The following ANK2 variants were observed in gnomAD, a reference collection of about 807,000 sequenced individuals.
The protein encoded by ANK2 is ankyrin 2, also known as ankyrin-2.
In ANK2, 83 loss-of-function variants were observed where a neutral mutation model predicts 360.5. That is an observed-to-expected ratio of 0.23 (90% CI 0.19 to 0.28). The LOEUF (loss-of-function observed/expected upper bound fraction) is 0.28. Ranked by LOEUF, ANK2 falls within the 10% of genes least tolerant of loss-of-function variation. The pLI, the probability that ANK2 is intolerant of heterozygous loss-of-function variation, is 1.00. For missense variants in ANK2, 4,201 were observed against 4,795.7 expected (o/e 0.88, Z 3.66); for synonymous variants, 1,740 against 1,759.5 (o/e 0.99, Z 0.28).
intron 1 of ANK2, among the ~76,000 whole-genome samples, chr4:112,821,575 C>G (rs928559853): frequency 2.7e-5 from 4 of 150,140 alleles, no homozygotes; most frequent in African/African-American, 9.8e-5. Flanking sequence ...GTGATCACAG[C>G]TCATGTAACC....
chr4:112,953,935 C>G (rs2095191130), intron 2 of ANK2, among the ~76,000 whole-genome samples: 1 of 151,984 alleles, frequency 6.6e-6, no homozygotes, highest in African/African-American at 2.4e-5. Context: ...TATTTCTTCT[C>G]TGTCTCCCCC....
chr4:113,039,904 T>C (rs560667065), intron 2 of ANK2, among the ~76,000 whole-genome samples: 6 of 152,010 alleles, frequency 3.9e-5, no homozygotes, highest in Non-Finnish European at 8.8e-5. Flanking sequence ...GGCCCTAGGT[T>C]ATTTGTTGAC....
intron 13 of ANK2, among the ~76,000 whole-genome samples, chr4:113,258,760 G>A (rs2050931807): frequency 6.6e-6 from 1 of 152,028 alleles, no homozygotes; most frequent in Non-Finnish European, 1.5e-5. Context: ...GAATCTTTAG[G>A]GCTCAACCTA....
intron 2 of ANK2, among the ~76,000 whole-genome samples, chr4:113,193,718 A>G (rs1228895175): frequency 6.6e-6 from 1 of 152,180 alleles, no homozygotes; most frequent in Non-Finnish European, 1.5e-5. Context: ...AAGTCCATTC[A>G]GAGTGGTGGT....
chr4:113,285,845 T>C (rs2064298030), intron 18 of ANK2, among the ~76,000 whole-genome samples: 1 of 152,186 alleles, frequency 6.6e-6, no homozygotes, highest in Admixed American at 6.5e-5. Flanking sequence ...GATATTTTGT[T>C]TCCTGAGGCC....
intron 26 of ANK2, chr4:113,323,912 G>A: frequency 2.5e-6 from 2 of 812,894 alleles, no homozygotes; most frequent in Non-Finnish European, 3.7e-6. Context: ...CCTAGCCAAA[G>A]AGATAGAAAG....
chr4:112,786,746 C>CTTTTT, the ANK2 span, among the ~76,000 whole-genome samples: 1 of 108,908 alleles, frequency 9.2e-6, no homozygotes, highest in Non-Finnish European at 1.9e-5. Context: ...TAAAATCAAA[C>CTTTTT]TTTTTTTTTT....
chr4:113,011,723 G>A (rs369055686), intron 2 of ANK2, among the ~76,000 whole-genome samples: 108 of 152,016 alleles, frequency 7.1e-4, no homozygotes, highest in African/African-American at 2.5e-3. Context: ...CTGCTTTTAG[G>A]AACAAAAATG....
intron 1 of ANK2, among the ~76,000 whole-genome samples, chr4:113,140,640 AT>A (rs202058977): frequency 1.1e-4 from 17 of 151,454 alleles, no homozygotes; most frequent in South Asian, 8.4e-4. Context: ...ACTCATGGCA[AT>A]TTTTTTTTCA....
intron 2 of ANK2, among the ~76,000 whole-genome samples, chr4:112,993,682 G>A (rs1413881467): frequency 6.7e-6 from 1 of 148,252 alleles, no homozygotes; most frequent in Non-Finnish European, 1.5e-5. Flanking sequence ...GGCTTCAGGT[G>A]CATAAAGCTT....
the ANK2 span, among the ~76,000 whole-genome samples, chr4:112,784,775 A>T: frequency 7.2e-5 from 11 of 152,174 alleles, no homozygotes; most frequent in African/African-American, 2.7e-4. Flanking sequence ...AGAGCAAATC[A>T]TCTTATTTTG....
In ANK2 at chr4:113,258,588, T is replaced by C. The variant is rs146907166; in HGVS notation, c.1386+177T>C. On this transcript the variant is annotated intron_variant, in intron 13 of 45. Transcript: ENST00000357077. ...CACCAGAACTTCACTGAAAAGAACC[T>C]GGATAGGGTAAGAGGTGTTATAAAG... Among the ~76,000 whole-genome samples, 183 of 152,204 alleles carry C rather than the reference T, an allele frequency of 1.2e-3. 3 individuals carry two copies. The East Asian group carries it at 0.033, about 27-fold the overall frequency.
chr4:113,000,376 G>A (rs1021603809), intron 2 of ANK2, among the ~76,000 whole-genome samples: 2 of 152,090 alleles, frequency 1.3e-5, no homozygotes, highest in African/African-American at 4.8e-5. Context: ...CTTTTAAGTG[G>A]GCAAGGGTGG....
At chr4:113,094,874 G>A (rs1409715932) in intron 1 of ANK2, among the ~76,000 whole-genome samples, 1 of 152,166 alleles carries the variant, frequency 6.6e-6, no homozygotes, top group Non-Finnish European at 1.5e-5. Context: ...CATTGTTTTT[G>A]TAACTAATTA....
chr4:113,048,510 C>T (rs1042262776), upstream of ANK2, among the ~76,000 whole-genome samples: 3 of 148,362 alleles, frequency 2.0e-5, no homozygotes, highest in African/African-American at 5.0e-5. Flanking sequence ...CCTCACCTTG[C>T]GATCCACCTG....
intron 1 of ANK2, among the ~76,000 whole-genome samples, chr4:112,872,455 A>G (rs935650311): frequency 5.9e-5 from 9 of 151,754 alleles, no homozygotes; most frequent in African/African-American, 2.2e-4. Flanking sequence ...CTCCCGCCTC[A>G]GCCTCCCGAG....
intron 1 of ANK2, among the ~76,000 whole-genome samples, chr4:112,867,387 G>A (rs996872377): frequency 2.0e-5 from 3 of 151,030 alleles, no homozygotes; most frequent in Admixed American, 6.6e-5. Context: ...TTTTTGTATA[G>A]GTTTTGTTTT....
chr4:113,381,701 C>G lies in ANK2; in HGVS notation c.*230C>G. 1 of 1,513,706 alleles carries G rather than the reference C, an allele frequency of 6.6e-7. No homozygotes were observed. The highest frequency in any genetic ancestry group is 1.2e-5 in the South Asian group (1 of 82,356). 93.8% of individuals were successfully genotyped at this position (1,513,706 alleles called of 1,614,324 possible). On this transcript the variant is annotated 3_prime_UTR_variant, in exon 46 of 46. Coordinates refer to ENST00000357077, the MANE Select transcript of ANK2 (RefSeq NM_001148.6). ...TCACTCAATATGCAGCTTCCTGTTTCAGTAGGGGAGTGACCTAACTGGCCT... is the reference window on the plus strand; with the variant it reads ...TCACTCAATATGCAGCTTCCTGTTTGAGTAGGGGAGTGACCTAACTGGCCT...
chr4:113,086,310 A>C (rs536472892), intron 1 of ANK2, among the ~76,000 whole-genome samples: 86 of 152,352 alleles, frequency 5.6e-4, no homozygotes, highest in Non-Finnish European at 1.6e-4. Flanking sequence ...TTATCATAAA[A>C]TCAACACAAT....
Sources: allele counts gnomAD v4.1 joint callset (sites outside exome capture counted in the v4.1 genomes callset), GRCh38; gene constraint gnomAD v4.1.1; transcripts MANE v1.5; gene names NCBI Gene and HGNC (gene_info 2026-07-23, HGNC 2026-07-21).